Variants in RANBP17 observed in about 807,000 individuals in gnomAD.
RANBP17 encodes ran-binding protein 17.
Under a neutral mutation model 141.2 loss-of-function variants are expected in RANBP17, and 158 were observed. That is an observed-to-expected ratio of 1.12 (90% CI 0.98 to 1.28). RANBP17 has a LOEUF of 1.28. Among genes scored for constraint, RANBP17 ranks in the 50% most tolerant of loss-of-function variants. The probability of loss-of-function intolerance (pLI) is 0.00; values close to 1 mark genes in which losing one functional copy is unlikely to be tolerated. For missense variants in RANBP17, 1,438 were observed against 1,290.7 expected (o/e 1.11, Z -1.75); for synonymous variants, 430 against 450.0 (o/e 0.96, Z 0.56).
chr5:170,983,926 GA>G (rs996716561), intron 14 of RANBP17, among the ~76,000 whole-genome samples: 34 of 152,264 alleles, frequency 2.2e-4, no homozygotes, highest in African/African-American at 8.2e-4. Context: ...CTTGTTCTAG[GA>G]GGTAGAAGCA....
intron 25 of RANBP17, among the ~76,000 whole-genome samples, chr5:171,275,665 T>C (rs967146399): frequency 9.2e-5 from 14 of 152,208 alleles, no homozygotes; most frequent in African/African-American, 3.4e-4. Flanking sequence ...ATTGTCTAAT[T>C]ACAAGAGGGT....
At chr5:171,255,523 G>T (rs187586710) in intron 24 of RANBP17, among the ~76,000 whole-genome samples, 7 of 151,916 alleles carry the variant, frequency 4.6e-5, no homozygotes, top group African/African-American at 1.5e-4. Flanking sequence ...CACATACCTT[G>T]TTCACATCTA....
chr5:171,245,821 T>C (rs1765177199), intron 24 of RANBP17, among the ~76,000 whole-genome samples: 1 of 152,098 alleles, frequency 6.6e-6, no homozygotes. Flanking sequence ...TCAGGAATTA[T>C]TTGGCCTATT....
At chr5:170,980,450 A>C (rs1365424457) in intron 14 of RANBP17, among the ~76,000 whole-genome samples, 2 of 152,174 alleles carry the variant, frequency 1.3e-5, no homozygotes, top group East Asian at 3.9e-4. Context: ...AGGCCTAGGA[A>C]GAAAAAATGG....
chr5:171,026,879 T>G (rs1292130447), intron 14 of RANBP17, among the ~76,000 whole-genome samples: 1 of 152,158 alleles, frequency 6.6e-6, no homozygotes, highest in Admixed American at 6.6e-5. Context: ...TTGTGACCTG[T>G]TAGGACCTGG....
At chr5:171,206,713 G>A (rs2127963221) in intron 20 of RANBP17, 1 of 179,616 alleles carries the variant, frequency 5.6e-6, no homozygotes, top group Non-Finnish European at 1.2e-5. Context: ...ACTAATAGGG[G>A]ATCTAGGCAT....
chr5:171,170,540 G>A (rs1364962618), intron 15 of RANBP17, among the ~76,000 whole-genome samples: 2 of 152,158 alleles, frequency 1.3e-5, no homozygotes, highest in East Asian at 3.9e-4. Context: ...GAAAGACCAC[G>A]TGAAGAGATT....
chr5:170,911,149 T>C lies in RANBP17; in HGVS notation c.760+15T>C, dbSNP rs762749774. On this transcript the variant is annotated intron_variant, in intron 7 of 27. Transcript: ENST00000523189. Reference sequence around the variant, plus strand: ...TTGGAGAACAAGTAAGAAAAAACTTTGGTATGAAGGGTCATCAACATAAAG... The same window carrying C: ...TTGGAGAACAAGTAAGAAAAAACTTCGGTATGAAGGGTCATCAACATAAAG... 9.9e-6 allele frequency: 16 copies of C among 1,609,280 alleles called. No individual in the cohort carries two copies. Among genetic ancestry groups the C allele is most frequent in the Admixed American group, 1.7e-5 (1 of 59,676 alleles).
At chr5:170,872,897 A>C (rs1767866862) in intron 1 of RANBP17, among the ~76,000 whole-genome samples, 1 of 152,024 alleles carries the variant, frequency 6.6e-6, no homozygotes, top group Admixed American at 6.6e-5. Flanking sequence ...TGATTGTAGT[A>C]GATAAGCTTT....
At chr5:171,089,983 G>A (rs533563336) in intron 14 of RANBP17, among the ~76,000 whole-genome samples, 33 of 152,332 alleles carry the variant, frequency 2.2e-4, no homozygotes, top group African/African-American at 7.9e-4. Flanking sequence ...TCGTGGTTAT[G>A]TCTTTATCAG....
chr5:171,111,252 TACTC>T (rs958280214), intron 14 of RANBP17, among the ~76,000 whole-genome samples: 4 of 152,306 alleles, frequency 2.6e-5, no homozygotes, highest in African/African-American at 9.6e-5. Flanking sequence ...TCATCTTTCT[TACTC>T]AGTCATTTCT....
intron 27 of RANBP17, among the ~76,000 whole-genome samples, chr5:171,297,844 T>TTA: frequency 7.2e-6 from 1 of 138,582 alleles, no homozygotes; most frequent in South Asian, 2.4e-4. Context: ...ACCCAATAAA[T>TTA]TCTTTTTTTT....
intron 25 of RANBP17, 40 bp downstream of exon 25, chr5:171,265,887 T>G (rs769978152): frequency 4.3e-5 from 68 of 1,592,370 alleles, no homozygotes; most frequent in Non-Finnish European, 5.8e-5. Context: ...AAACAAGTGT[T>G]CCCAGAAGCC....
At chr5:170,991,267 C>T (rs1778488747) in intron 14 of RANBP17, among the ~76,000 whole-genome samples, 1 of 151,882 alleles carries the variant, frequency 6.6e-6, no homozygotes, top group African/African-American at 2.4e-5. Flanking sequence ...GAATATTTTT[C>T]AGATTGTACC....
chr5:171,009,527 G>C (rs1171809636), intron 14 of RANBP17, among the ~76,000 whole-genome samples: 2 of 152,128 alleles, frequency 1.3e-5, no homozygotes, highest in African/African-American at 4.8e-5. Flanking sequence ...GATTCATAAA[G>C]TGATTTGTAA....
intron 22 of RANBP17, among the ~76,000 whole-genome samples, chr5:171,227,331 G>T (rs62392993): frequency 0.012 from 1,848 of 152,352 alleles, 7 homozygotes; most frequent in Non-Finnish European, 0.021. Context: ...TGCTGACATG[G>T]AGAAGGTTTT....
At chr5:170,888,229 G>C (rs981666432) in intron 3 of RANBP17, among the ~76,000 whole-genome samples, 3 of 152,162 alleles carry the variant, frequency 2.0e-5, no homozygotes, top group African/African-American at 7.2e-5. Flanking sequence ...TTTAGAATCA[G>C]TTCATTCATA....
chr5:171,046,135 T>C (rs1255280335), intron 14 of RANBP17, among the ~76,000 whole-genome samples: 2 of 152,140 alleles, frequency 1.3e-5, no homozygotes, highest in Non-Finnish European at 2.9e-5. Context: ...GGAAACTTAT[T>C]TTCTCCATCA....
intron 16 of RANBP17, among the ~76,000 whole-genome samples, chr5:171,180,908 G>A (rs1760820557): frequency 1.3e-5 from 2 of 152,252 alleles, no homozygotes; most frequent in Admixed American, 1.3e-4. Context: ...ATGACTTGCT[G>A]TTTATTAACA....
Sources: allele counts gnomAD v4.1 joint callset (sites outside exome capture counted in the v4.1 genomes callset), GRCh38; gene constraint gnomAD v4.1.1; transcripts MANE v1.5; gene names NCBI Gene and HGNC (gene_info 2026-07-23, HGNC 2026-07-21).